SPATA16: variants seen among roughly 807,000 people sequenced by gnomAD.
SPATA16 encodes spermatogenesis associated 16, also known as spermatogenesis-associated protein 16.
Under a neutral mutation model 63.3 loss-of-function variants are expected in SPATA16, and 36 were observed. The observed-to-expected ratio is 0.57, with a 90% confidence interval of 0.44 to 0.75. The LOEUF (loss-of-function observed/expected upper bound fraction) is 0.75, where lower values mean the gene tolerates loss of function less well. SPATA16 is among the 30% of genes least tolerant of loss of function. SPATA16 has a pLI of 0.00. For missense variants in SPATA16, 646 were observed against 679.3 expected (o/e 0.95, Z 0.54); for synonymous variants, 203 against 216.7 (o/e 0.94, Z 0.56).
intron 4 of SPATA16, among the ~76,000 whole-genome samples, chr3:173,010,572 G>T (rs1735048228): frequency 6.6e-6 from 1 of 152,050 alleles, no homozygotes; most frequent in South Asian, 2.1e-4. Flanking sequence ...GGCTGGAGAG[G>T]GAACAGAAAG....
In SPATA16 at chr3:172,977,028, C is replaced by T. The variant is rs368670834; in HGVS notation, c.873G>A (p.Met291Ile). ...CTTCCCTTCCTCCACCAAGCCAGAA[C>T]ATGTAGTCAGCAATCATGGCACTCC... ...AARSAMIADY[M>I]FWLGGGREES... The change falls in exon 5 of 11, where the codon ATG becomes ATA. Residue 291 changes from methionine to isoleucine, a missense_variant. Met to Ile is a conservative substitution (Grantham distance 10). Coordinates refer to ENST00000351008, the MANE Select transcript of SPATA16 (RefSeq NM_031955.6). 15 of 1,610,460 alleles carry T rather than the reference C, an allele frequency of 9.3e-6. No individual in the cohort carries two copies. Among genetic ancestry groups the T allele is most frequent in the East Asian group, 4.5e-5 (2 of 44,804 alleles).
chr3:173,089,831 T>C (rs1057348255), intron 2 of SPATA16, among the ~76,000 whole-genome samples: 4 of 152,148 alleles, frequency 2.6e-5, no homozygotes, highest in Non-Finnish European at 4.4e-5. Context: ...ACTCAGCACA[T>C]GGGCCCTTAC....
intron 3 of SPATA16, among the ~76,000 whole-genome samples, chr3:173,029,845 A>G (rs975065765): frequency 6.6e-6 from 1 of 152,034 alleles, no homozygotes; most frequent in African/African-American, 2.4e-5. Context: ...TGGTGTGATC[A>G]TGGTTTACTG....
intron 3 of SPATA16, among the ~76,000 whole-genome samples, chr3:173,022,195 A>T (rs1345069695): frequency 1.3e-5 from 2 of 152,024 alleles, no homozygotes; most frequent in Non-Finnish European, 2.9e-5. Context: ...TTAAAAAAAA[A>T]TTACTTGTAA....
At chr3:173,073,560 G>GAGTTAATACTGAAATGAGTTA in intron 2 of SPATA16, among the ~76,000 whole-genome samples, 1 of 152,366 alleles carries the variant, frequency 6.6e-6, no homozygotes, top group East Asian at 1.9e-4. Flanking sequence ...ACATGGTGTT[G>GAGTTAATACTGAAATGAGTTA]AGCCTGTGGG....
Position 172,916,362 on chromosome 3 carries a change from T to G in SPATA16, c.1458A>C (p.Ala486=), listed in dbSNP as rs752788192. ...TGATGTCCTGTAGGTAGGGAATGGT[T>G]GCTAGCTCTGCCATTGCTTGATTAA... ...QVINQAMAEL[A]TIPYLQDISQ... is the part of the protein sequence containing the mutation. Residue 486 remains alanine (A), a synonymous_variant, in exon 9 of 11, where the codon GCA becomes GCC. Coordinates refer to ENST00000351008, the MANE Select transcript of SPATA16 (RefSeq NM_031955.6). The G allele has an allele frequency of 3.7e-6, 6 of 1,613,848 alleles. No homozygotes were observed. The Admixed American group carries it at 1.0e-4, about 27-fold the overall frequency.
chr3:172,951,409 T>A (rs1655018003), intron 6 of SPATA16, among the ~76,000 whole-genome samples: 1 of 152,142 alleles, frequency 6.6e-6, no homozygotes, highest in African/African-American at 2.4e-5. Context: ...TAATATAATC[T>A]TATACCTGCC....
chr3:173,040,873 C>T (rs1735823907), intron 3 of SPATA16, among the ~76,000 whole-genome samples: 1 of 152,098 alleles, frequency 6.6e-6, no homozygotes, highest in Admixed American at 6.6e-5. Context: ...GAATGCTTGT[C>T]CTTGTTCCTG....
rs1560080300 is a variant in SPATA16 at position 172,961,065 on chromosome 3, T to TTCCTTC, written c.934-4242_934-4241insGAAGGA. 2.8e-3 allele frequency among the ~76,000 whole-genome samples: 111 copies of TTCCTTC among 40,150 alleles called. 4 individuals carry two copies. The highest frequency in any genetic ancestry group is 8.2e-3 in the South Asian group (10 of 1,226). The allele number at this position is 40,150 out of a possible 152,430, so 26.3% of individuals were successfully genotyped here. On this transcript the variant is annotated intron_variant, in intron 5 of 10. Coordinates refer to ENST00000351008, the MANE Select transcript of SPATA16 (RefSeq NM_031955.6). ...CTTTCTTTCTTCTTTCTTTCTTTCT[T>TTCCTTC]CTTTCTTCCTTCCTTCCTTCCTTCC...
chr3:172,934,811 A>G (rs1732943663), intron 6 of SPATA16, among the ~76,000 whole-genome samples: 1 of 152,192 alleles, frequency 6.6e-6, no homozygotes, highest in African/African-American at 2.4e-5. Context: ...ATGGAAATCT[A>G]AAAGAAGAGA....
chr3:173,089,089 G>A (rs1737157555), intron 2 of SPATA16, among the ~76,000 whole-genome samples: 1 of 152,178 alleles, frequency 6.6e-6, no homozygotes, highest in Non-Finnish European at 1.5e-5. Context: ...TGGACCAGGT[G>A]ACCCTTGAAC....
At chr3:172,960,172 C>A (rs1733715727) in intron 5 of SPATA16, among the ~76,000 whole-genome samples, 1 of 152,060 alleles carries the variant, frequency 6.6e-6, no homozygotes, top group Non-Finnish European at 1.5e-5. Flanking sequence ...CAAGGAAATG[C>A]TGGTTGTAAA....
At chr3:172,972,516 A>T (rs1210155271) in intron 5 of SPATA16, among the ~76,000 whole-genome samples, 1 of 152,162 alleles carries the variant, frequency 6.6e-6, no homozygotes, top group Non-Finnish European at 1.5e-5. Context: ...ATTCTTTACA[A>T]TTTTTTAAGA....
intron 2 of SPATA16, among the ~76,000 whole-genome samples, chr3:173,103,048 T>C (rs185034347): frequency 2.1e-4 from 32 of 152,370 alleles, no homozygotes; most frequent in Admixed American, 1.4e-3. Context: ...CTTAAAGCTC[T>C]AAAATAATCT....
At chr3:173,038,774 G>C (rs1160683298) in intron 3 of SPATA16, among the ~76,000 whole-genome samples, 1 of 152,168 alleles carries the variant, frequency 6.6e-6, no homozygotes, top group Non-Finnish European at 1.5e-5. Flanking sequence ...CTGGTCACTT[G>C]AGGTGTTTGA....
intron 6 of SPATA16, among the ~76,000 whole-genome samples, chr3:172,956,068 ATCC>A (rs1483833066): frequency 6.6e-6 from 1 of 152,178 alleles, no homozygotes; most frequent in Non-Finnish European, 1.5e-5. Flanking sequence ...TGCCAAAAAA[ATCC>A]TCCTCTTAAA....
chr3:173,061,677 C>G (rs998283442), intron 2 of SPATA16, among the ~76,000 whole-genome samples: 1 of 152,158 alleles, frequency 6.6e-6, no homozygotes, highest in Non-Finnish European at 1.5e-5. Flanking sequence ...GAAAGAAGCT[C>G]TACACTGTAG....
chr3:172,904,636 A>C (rs1732195630), intron 10 of SPATA16, among the ~76,000 whole-genome samples: 1 of 152,234 alleles, frequency 6.6e-6, no homozygotes, highest in Admixed American at 6.5e-5. Context: ...TAGCAAATGC[A>C]GCTGCTGAAA....
intron 6 of SPATA16, among the ~76,000 whole-genome samples, chr3:172,956,285 G>C (rs1042758379): frequency 1.3e-5 from 2 of 152,112 alleles, no homozygotes; most frequent in Non-Finnish European, 2.9e-5. Flanking sequence ...ATGTGAGATA[G>C]ATGGGGGGAT....
Sources: allele counts gnomAD v4.1 joint callset (sites outside exome capture counted in the v4.1 genomes callset), GRCh38; gene constraint gnomAD v4.1.1; transcripts MANE v1.5; gene names NCBI Gene and HGNC (gene_info 2026-07-23, HGNC 2026-07-21).